The following PTPRN2 variants were observed in gnomAD, a reference collection of about 807,000 sequenced individuals.
The protein encoded by PTPRN2 is protein tyrosine phosphatase receptor type N2, also known as receptor-type tyrosine-protein phosphatase N2.
Under a neutral mutation model 118.8 loss-of-function variants are expected in PTPRN2, and 74 were observed. The ratio of observed to expected loss-of-function variants is 0.62; its 90% confidence interval spans 0.52 to 0.76. PTPRN2 has a LOEUF of 0.76. Ranked by LOEUF, PTPRN2 falls within the 30% of genes least tolerant of loss-of-function variation. PTPRN2 has a pLI of 0.00. For missense variants in PTPRN2, 1,481 were observed against 1,394.4 expected, an observed-to-expected ratio of 1.06 and a Z score of -0.99; for synonymous variants, 641 against 608.0, an observed-to-expected ratio of 1.05 and a Z score of -0.80.
intron 1 of PTPRN2, among the ~76,000 whole-genome samples, chr7:158,498,537 C>T (rs990720263): frequency 1.9e-5 from 2 of 106,396 alleles, no homozygotes; most frequent in African/African-American, 3.0e-5. Flanking sequence ...CTAAATGGCA[C>T]GTGGTTTTAA....
At chr7:158,109,319 C>T (rs1473385247) in intron 10 of PTPRN2, among the ~76,000 whole-genome samples, 2 of 146,560 alleles carry the variant, frequency 1.4e-5, no homozygotes, top group Non-Finnish European at 3.0e-5. Context: ...GTGAAGGAGA[C>T]AGTGAGTGAA....
At chr7:157,847,677 G>A (rs1165375103) in intron 12 of PTPRN2, among the ~76,000 whole-genome samples, 8 of 131,310 alleles carry the variant, frequency 6.1e-5, no homozygotes, top group Non-Finnish European at 1.3e-4. Context: ...CATGCATGCC[G>A]GATGTTTACA....
chr7:157,811,189 TG>T (rs1806009530), intron 12 of PTPRN2, among the ~76,000 whole-genome samples: 1 of 150,906 alleles, frequency 6.6e-6, no homozygotes, highest in Non-Finnish European at 1.5e-5. Context: ...GAGAATGGCA[TG>T]AACCCGGGAG....
intron 3 of PTPRN2, among the ~76,000 whole-genome samples, chr7:158,263,721 C>A (rs13229914): frequency 0.12 from 17,979 of 152,258 alleles, 1,220 homozygotes; most frequent in African/African-American, 0.18. Context: ...AGCACCTCAA[C>A]GGCCCTTTTC....
At position 158,009,668 on chromosome 7, in the gene PTPRN2, A is replaced by T. The variant is rs541205371; in HGVS notation, c.1723+71630T>A. Reference sequence around the variant, plus strand: ...GGACACATTTAAATTCTGGCCAAAAAGCAAAGCTTATCCTGGGAGTTCCAA... The same window carrying T: ...GGACACATTTAAATTCTGGCCAAAATGCAAAGCTTATCCTGGGAGTTCCAA... On this transcript the variant is annotated intron_variant, in intron 11 of 22. Transcript: ENST00000389418. 4.6e-5 allele frequency among the ~76,000 whole-genome samples: 7 copies of T among 152,368 alleles called. No individual in the cohort carries two copies. The East Asian group carries it at 9.6e-4, about 21-fold the overall frequency.
intron 11 of PTPRN2, among the ~76,000 whole-genome samples, chr7:157,925,439 C>T (rs1357786496): frequency 1.3e-5 from 2 of 152,278 alleles, no homozygotes; most frequent in African/African-American, 2.4e-5. Flanking sequence ...TAAATGCCCA[C>T]ATTTGCTACG....
chr7:157,609,704 T>C lies in PTPRN2; in HGVS notation c.2345-5629A>G, dbSNP rs1003589321. Among the ~76,000 whole-genome samples the C allele has an allele frequency of 6.6e-6, 1 of 152,140 alleles. No individual in the cohort carries two copies. The highest frequency in any genetic ancestry group is 2.4e-5 in the African/African-American group (1 of 41,410). On this transcript the variant is annotated intron_variant, in intron 15 of 22. Transcript: ENST00000389418. This position sits in a 1 kb window ranked among gnomAD's most constrained non-coding sequence, Gnocchi z 4.9. ...GATGATAACATACAACTCACAGCAC[T>C]GTTGTGGTAAATGGCACGCAGCAAG... is the stretch of plus-strand genomic sequence containing the variant.
At position 158,508,518 on chromosome 7, in the gene PTPRN2, A is replaced by G. The variant is rs540876843; in HGVS notation, c.113-18733T>C. Among the ~76,000 whole-genome samples the G allele has an allele frequency of 5.2e-4, 79 of 152,248 alleles. 2 individuals are homozygous for G. The highest frequency in any genetic ancestry group is 1.8e-3 in the African/African-American group (73 of 41,556). Reference sequence around the variant, plus strand: ...CAGCAACTGAAAGAACACAGGAGCTACCCAGCTCCAGGGGTGTGGTGAAGG... The same window carrying G: ...CAGCAACTGAAAGAACACAGGAGCTGCCCAGCTCCAGGGGTGTGGTGAAGG... On this transcript the variant is annotated intron_variant, in intron 1 of 22. Coordinates refer to ENST00000389418, the MANE Select transcript of PTPRN2 (RefSeq NM_002847.5).
At chr7:157,882,067 G>A (rs1244182517) in intron 12 of PTPRN2, among the ~76,000 whole-genome samples, 5 of 151,746 alleles carry the variant, frequency 3.3e-5, no homozygotes, top group African/African-American at 1.2e-4. Context: ...ACAAACTACT[G>A]TTGAAGAACA....
chr7:158,085,647 T>C (rs1239709219), intron 10 of PTPRN2, among the ~76,000 whole-genome samples: 11 of 49,166 alleles, frequency 2.2e-4, no homozygotes, highest in Admixed American at 4.9e-4. Flanking sequence ...TCCACACAGA[T>C]ACCCATCCAC....
intron 12 of PTPRN2, among the ~76,000 whole-genome samples, chr7:157,896,370 G>A (rs1350758114): frequency 2.6e-5 from 4 of 152,204 alleles, no homozygotes; most frequent in Non-Finnish European, 5.9e-5. Context: ...AGGCCCTGTG[G>A]CTCCTCCAGC....
intron 3 of PTPRN2, among the ~76,000 whole-genome samples, chr7:158,252,807 C>T (rs1796770084): frequency 6.6e-6 from 1 of 152,164 alleles, no homozygotes; most frequent in Admixed American, 6.5e-5. Context: ...TCTCACTCCC[C>T]AAATCCAATC....
intron 12 of PTPRN2, among the ~76,000 whole-genome samples, chr7:157,790,752 A>T (rs1299934151): frequency 6.6e-6 from 1 of 152,102 alleles, no homozygotes; most frequent in East Asian, 1.9e-4. Flanking sequence ...AACCTAAGCT[A>T]TTTTTTTTAA....
At chr7:158,576,901 G>A (rs1488530959) in intron 1 of PTPRN2, among the ~76,000 whole-genome samples, 1 of 132,678 alleles carries the variant, frequency 7.5e-6, no homozygotes, top group Non-Finnish European at 1.6e-5. Context: ...CAACACTGAG[G>A]GCTCCCCACC....
chr7:158,277,590 C>T (rs1799104917), intron 3 of PTPRN2, among the ~76,000 whole-genome samples: 1 of 152,202 alleles, frequency 6.6e-6, no homozygotes, highest in South Asian at 2.1e-4. Flanking sequence ...CCAGAAGCAC[C>T]CCTTGAAGGC....
intron 3 of PTPRN2, among the ~76,000 whole-genome samples, chr7:158,281,317 C>T (rs1055515157): frequency 1.3e-5 from 2 of 152,160 alleles, no homozygotes; most frequent in South Asian, 2.1e-4. Context: ...TAAGCAAATA[C>T]ATTTTGTGTA....
chr7:157,718,553 C>T (rs568573902), intron 12 of PTPRN2, among the ~76,000 whole-genome samples: 1 of 151,936 alleles, frequency 6.6e-6, no homozygotes, highest in African/African-American at 2.4e-5. Context: ...TGAGGTGACA[C>T]TGCAGCCTCT....
chr7:157,645,738 GC>G (rs1805027245), intron 14 of PTPRN2, among the ~76,000 whole-genome samples: 1 of 152,210 alleles, frequency 6.6e-6, no homozygotes, highest in South Asian at 2.1e-4. Context: ...GCACCGGCTG[GC>G]CCTGGGGAGG....
At chr7:157,606,307 C>T (rs904291584) in intron 15 of PTPRN2, among the ~76,000 whole-genome samples, 4 of 152,228 alleles carry the variant, frequency 2.6e-5, no homozygotes, top group African/African-American at 7.2e-5. Context: ...CTGCCTGGGT[C>T]TGCAGCTACG....
Sources: allele counts gnomAD v4.1 joint callset (sites outside exome capture counted in the v4.1 genomes callset), GRCh38; gene constraint gnomAD v4.1.1; non-coding constraint Gnocchi (gnomAD v3.1); transcripts MANE v1.5; gene names NCBI Gene and HGNC (gene_info 2026-07-23, HGNC 2026-07-21).